DSC2: variants seen among roughly 807,000 people sequenced by gnomAD.
The protein encoded by DSC2 is desmocollin 2, also known as desmocollin-2.
DSC2 carries 51 observed loss-of-function variants against 87.6 expected under a neutral mutation model. That is an observed-to-expected ratio of 0.58 (90% CI 0.46 to 0.74). DSC2 has a LOEUF of 0.74. DSC2 is among the 30% of genes least tolerant of loss of function. The probability of loss-of-function intolerance (pLI) is 0.00; values close to 1 mark genes in which losing one functional copy is unlikely to be tolerated. For synonymous variants in DSC2, 383 were observed against 393.2 expected (o/e 0.97, Z 0.31); for missense variants, 1,066 against 1,089.5 (o/e 0.98, Z 0.30).
chr18:31,063,103 G>A lies in DSC2; in HGVS notation c.*4912C>T, dbSNP rs1359482819. ...CCAGCACTTTGGGAGGCCAAGTGCT[G>A]ACAGATCACTTGAGGTCAGGAGTTC... On this transcript the variant is annotated 3_prime_UTR_variant, in exon 16 of 16. Transcript: ENST00000280904. 1 of 152,094 alleles carries A rather than the reference G, an allele frequency of 6.6e-6. No individual in the cohort carries two copies. The highest frequency in any genetic ancestry group is 1.5e-5 in the Non-Finnish European group (1 of 68,042). The allele number at this position is 152,094 out of a possible 1,614,324, so 9.4% of individuals were successfully genotyped here.
chr18:31,075,573 G>A (rs1466456239), intron 11 of DSC2, among the ~76,000 whole-genome samples: 1 of 152,106 alleles, frequency 6.6e-6, no homozygotes, highest in Non-Finnish European at 1.5e-5. Flanking sequence ...AGGATAGACG[G>A]GGCACAGTGG....
At chr18:31,078,058 A>C (rs1987080009) in intron 11 of DSC2, among the ~76,000 whole-genome samples, 1 of 152,190 alleles carries the variant, frequency 6.6e-6, no homozygotes, top group South Asian at 2.1e-4. Flanking sequence ...AGAGTTTTAA[A>C]AAGAGGAAGC....
chr18:31,068,795 A>G, intron 15 of DSC2, 99 bp downstream of exon 15: 3 of 1,443,660 alleles, frequency 2.1e-6, no homozygotes, highest in Non-Finnish European at 2.9e-6. Flanking sequence ...GAATTAGTAG[A>G]TTCATAATTA....
At chr18:31,078,955 T>C (rs1987110953) in intron 11 of DSC2, among the ~76,000 whole-genome samples, 1 of 152,204 alleles carries the variant, frequency 6.6e-6, no homozygotes, top group Non-Finnish European at 1.5e-5. Context: ...ACATTTTATA[T>C]GATTATATGA....
rs1435574320 is a variant in DSC2 at position 31,087,801 on chromosome 18, C to T, written c.643G>A (p.Ala215Thr). The T allele has an allele frequency of 6.2e-7, 1 of 1,613,676 alleles. No homozygotes were observed. The highest frequency in any genetic ancestry group is 1.7e-5 in the Admixed American group (1 of 60,008). ...GGAGTATACCCATCTGGAGTTGTTG[C>T]AAAGGCAATTATCTGTGAAGAGAGT... ...QYESFEIIAF[A>T]TTPDGYTPEL... is the part of the protein sequence containing the mutation. The change falls in exon 6 of 16, where the codon GCA becomes ACA. Residue 215 changes from alanine to threonine, a missense_variant. Transcript: ENST00000280904.
rs1037640799 is a variant in DSC2, at chr18:31,102,247, C to A, written c.-276G>T. On this transcript the variant is annotated 5_prime_UTR_variant, in exon 1 of 16. It removes an upstream start codon present in the reference 5' UTR. Transcript: ENST00000280904. ...GTTGTCTATTTAAGACTTAAGACTTCATTTCTCTAAGAAAGCCACGGGTGG... is the reference window on the plus strand; with the variant it reads ...GTTGTCTATTTAAGACTTAAGACTTAATTTCTCTAAGAAAGCCACGGGTGG... 44 of 371,374 alleles carry A rather than the reference C, an allele frequency of 1.2e-4. No homozygotes were observed. Among genetic ancestry groups the A allele is most frequent in the Admixed American group, 2.8e-4 (6 of 21,544 alleles). 23.0% of individuals were successfully genotyped at this position (371,374 alleles called of 1,614,324 possible). A position where few individuals can be genotyped will look rare whatever the true frequency, so the allele number is the denominator to read the frequency against.
chr18:31,079,314 C>T (rs986048643), intron 11 of DSC2, among the ~76,000 whole-genome samples: 1 of 152,112 alleles, frequency 6.6e-6, no homozygotes, highest in Non-Finnish European at 1.5e-5. Flanking sequence ...AGTGCAGTGG[C>T]GCGATCTTGG....
rs1299381945 is a variant in DSC2 at position 31,060,373 on chromosome 18, T to G, written c.*7642A>C. ...TTCCCTATTGGTTAACTCATGTCCT[T>G]GGTGCCTGGGAGTTTTCCAATTGGC... On this transcript the variant is annotated 3_prime_UTR_variant, in exon 16 of 16. Transcript: ENST00000280904. 2 of 152,192 alleles carry G rather than the reference T, an allele frequency of 1.3e-5. No homozygotes were observed. Among genetic ancestry groups the G allele is most frequent in the Non-Finnish European group, 2.9e-5 (2 of 68,070 alleles). The allele number at this position is 152,192 out of a possible 1,614,324, so 9.4% of individuals were successfully genotyped here. A position where few individuals can be genotyped will look rare whatever the true frequency, so the allele number is the denominator to read the frequency against.
intron 1 of DSC2, among the ~76,000 whole-genome samples, chr18:31,094,353 A>G (rs1987700024): frequency 6.6e-6 from 1 of 152,244 alleles, no homozygotes; most frequent in African/African-American, 2.4e-5. Context: ...CAATAGGCAC[A>G]TAACTTTGAA....
intron 14 of DSC2, among the ~76,000 whole-genome samples, chr18:31,069,904 T>G (rs955471903): frequency 6.6e-6 from 1 of 152,188 alleles, no homozygotes; most frequent in Non-Finnish European, 1.5e-5. Context: ...AGTATCTAAT[T>G]CAGTTATACT....
At chr18:31,094,592 C>G (rs1252814856) in intron 1 of DSC2, among the ~76,000 whole-genome samples, 2 of 152,020 alleles carry the variant, frequency 1.3e-5, no homozygotes, top group Non-Finnish European at 2.9e-5. Context: ...CATCTTTGAC[C>G]AAAAGCAAGA....
chr18:31,090,891 A>T, intron 4 of DSC2, 137 bp downstream of exon 4: 1 of 1,270,758 alleles, frequency 7.9e-7, no homozygotes, highest in Non-Finnish European at 1.1e-6. Context: ...TTATACCCTT[A>T]TATGGAAACA....
rs1437788968 is a variant in DSC2 at position 31,067,795 on chromosome 18, G to A, written c.*220C>T. 1 of 523,988 alleles carries A rather than the reference G, an allele frequency of 1.9e-6. No homozygotes were observed. The highest frequency in any genetic ancestry group is 3.4e-6 in the Non-Finnish European group (1 of 294,430). The allele number at this position is 523,988 out of a possible 1,614,324, so 32.5% of individuals were successfully genotyped here. ...CTTTAATTTCTCTGTAGACCTCCTT[G>A]GATAGAAGATAAGTAATTTAAAAAT... On this transcript the variant is annotated 3_prime_UTR_variant, in exon 16 of 16. Coordinates refer to ENST00000280904, the MANE Select transcript of DSC2 (RefSeq NM_024422.6).
intron 12 of DSC2, among the ~76,000 whole-genome samples, chr18:31,074,407 G>C (rs1986934202): frequency 1.3e-5 from 2 of 148,970 alleles, no homozygotes; most frequent in African/African-American, 4.9e-5. Flanking sequence ...GAGAGAAAGA[G>C]AGAAAGAGAA....
Position 31,062,089 on chromosome 18 carries a change from A to G in DSC2, c.*5926T>C, listed in dbSNP as rs1490439325. On this transcript the variant is annotated 3_prime_UTR_variant, in exon 16 of 16. Transcript: ENST00000280904. ...AATATAGGCATTGCCTCTGAGGCTC[A>G]TTGCTATGCATTTCTTTCCCTATTC... The G allele has an allele frequency of 6.6e-6, 1 of 152,162 alleles. No individual in the cohort carries two copies. The highest frequency in any genetic ancestry group is 1.5e-5 in the Non-Finnish European group (1 of 68,052). 9.4% of individuals were successfully genotyped at this position (152,162 alleles called of 1,614,324 possible).
rs1208729636 is a variant in DSC2 at position 31,067,217 on chromosome 18, A to T, written c.*798T>A. On this transcript the variant is annotated 3_prime_UTR_variant, in exon 16 of 16. Coordinates refer to ENST00000280904, the MANE Select transcript of DSC2 (RefSeq NM_024422.6). The stretch of plus-strand genomic sequence containing the variant: ...GAGAAGAAAAGAGAGACAGATTTTT[A>T]AAATATTTGGATTCTTTAGCCCATA... 6.6e-6 allele frequency: 1 copy of T among 151,058 alleles called. No individual in the cohort carries two copies. The highest frequency in any genetic ancestry group is 1.5e-5 in the Non-Finnish European group (1 of 67,856). The allele number at this position is 151,058 out of a possible 1,614,324, so 9.4% of individuals were successfully genotyped here. A position where few individuals can be genotyped will look rare whatever the true frequency, so the allele number is the denominator to read the frequency against.
intron 3 of DSC2, among the ~76,000 whole-genome samples, 199 bp downstream of exon 3, chr18:31,091,902 C>T (rs1482674164): frequency 3.3e-5 from 5 of 152,114 alleles, no homozygotes; most frequent in Admixed American, 1.3e-4. Context: ...TTTTACGTCC[C>T]AAATGAAAAG....
At position 31,065,177 on chromosome 18, in the gene DSC2, G is replaced by A. The variant is rs755528274; in HGVS notation, c.*2838C>T. Reference sequence around the variant, plus strand: ...GCTGAATACCACAAATGAGAGACCTGGAAGCTACTATGAGCCATGAAATTC... The same window carrying A: ...GCTGAATACCACAAATGAGAGACCTAGAAGCTACTATGAGCCATGAAATTC... On this transcript the variant is annotated 3_prime_UTR_variant, in exon 16 of 16. Coordinates refer to ENST00000280904, the MANE Select transcript of DSC2 (RefSeq NM_024422.6). The A allele has an allele frequency of 6.6e-5, 10 of 152,258 alleles. No homozygotes were observed. In the South Asian group the frequency reaches 8.3e-4, roughly 13 times the overall value. The allele number at this position is 152,258 out of a possible 1,614,324, so 9.4% of individuals were successfully genotyped here. A position where few individuals can be genotyped will look rare whatever the true frequency, so the allele number is the denominator to read the frequency against.
chr18:31,076,724 G>A (rs1987028936), intron 11 of DSC2, among the ~76,000 whole-genome samples: 1 of 152,140 alleles, frequency 6.6e-6, no homozygotes, highest in Non-Finnish European at 1.5e-5. Context: ...GAAAAACATG[G>A]CTTTTCAGAT....
Sources: allele counts gnomAD v4.1 joint callset (sites outside exome capture counted in the v4.1 genomes callset), GRCh38; gene constraint gnomAD v4.1.1; transcripts MANE v1.5; gene names NCBI Gene and HGNC (gene_info 2026-07-23, HGNC 2026-07-21).